The following PCDH15 variants were observed in gnomAD, a reference collection of about 807,000 sequenced individuals.
PCDH15 encodes the protein protocadherin-15.
A neutral mutation model predicts 178.5 loss-of-function variants in PCDH15; 129 were observed. That is an observed-to-expected ratio of 0.72 (90% CI 0.63 to 0.84). The LOEUF (loss-of-function observed/expected upper bound fraction) is 0.84, where lower values mean the gene tolerates loss of function less well. Among genes scored for constraint, PCDH15 ranks in the 40% least tolerant of loss-of-function variants. The pLI, the probability that PCDH15 is intolerant of heterozygous loss-of-function variation, is 0.00. For missense variants in PCDH15, 2,230 were observed against 2,099.9 expected (o/e 1.06, Z -1.21); for synonymous variants, 800 against 732.0 (o/e 1.09, Z -1.50).
intron 2 of PCDH15, among the ~76,000 whole-genome samples, chr10:55,419,209 G>A (rs1838558664): frequency 2.0e-5 from 3 of 151,652 alleles, no homozygotes; most frequent in South Asian, 2.1e-4. Context: ...CCAGTTTGAC[G>A]GAGCTGAAGT....
intron 2 of PCDH15, among the ~76,000 whole-genome samples, chr10:55,533,862 T>C (rs2132066523): frequency 6.6e-6 from 1 of 152,100 alleles, no homozygotes; most frequent in East Asian, 1.9e-4. Flanking sequence ...CAAAACAGCA[T>C]AGTATTGCTA....
At chr10:54,880,896 G>C (rs2131805884) in intron 3 of PCDH15, among the ~76,000 whole-genome samples, 1 of 151,508 alleles carries the variant, frequency 6.6e-6, no homozygotes, top group Middle Eastern at 3.4e-3. Flanking sequence ...ACTTCCTGTT[G>C]ATGCCAAACA....
chr10:55,043,419 A>G (rs1840916868), intron 2 of PCDH15, among the ~76,000 whole-genome samples: 1 of 152,084 alleles, frequency 6.6e-6, no homozygotes, highest in African/African-American at 2.4e-5. Flanking sequence ...GGAAAAACAA[A>G]ATAAAACAAA....
intron 2 of PCDH15, among the ~76,000 whole-genome samples, chr10:55,085,674 A>C (rs983421037): frequency 2.6e-5 from 4 of 151,462 alleles, no homozygotes; most frequent in Non-Finnish European, 5.9e-5. Context: ...TTTATGCCTC[A>C]AAATTATTAG....
rs997054142 is a variant in PCDH15 at position 53,915,623 on chromosome 10, G to T, written c.3374-12253C>A. On this transcript the variant is annotated intron_variant, in intron 25 of 37. Transcript: ENST00000644397. ...CATCCAGGCTGGAGTGCAGTGGCACGATCTTGGCTCACTGTAACCTCCACC... is the reference window on the plus strand; with the variant it reads ...CATCCAGGCTGGAGTGCAGTGGCACTATCTTGGCTCACTGTAACCTCCACC... 4.6e-5 allele frequency among the ~76,000 whole-genome samples: 7 copies of T among 152,086 alleles called. No individual in the cohort carries two copies. The East Asian group carries it at 1.2e-3, about 25-fold the overall frequency.
At chr10:55,258,850 C>A (rs1842076425) in intron 1 of PCDH15, among the ~76,000 whole-genome samples, 1 of 143,548 alleles carries the variant, frequency 7.0e-6, no homozygotes, top group African/African-American at 2.6e-5. Context: ...GTACCTTCTT[C>A]AACTGTAACC....
intron 2 of PCDH15, among the ~76,000 whole-genome samples, chr10:54,610,535 A>G (rs1034747472): frequency 2.0e-5 from 3 of 151,912 alleles, no homozygotes; most frequent in Non-Finnish European, 2.9e-5. Flanking sequence ...AAATCTATAG[A>G]GTTAAATGTG....
chr10:55,116,588 T>C (rs58781814), intron 2 of PCDH15, among the ~76,000 whole-genome samples: 3,345 of 152,232 alleles, frequency 0.022, 128 homozygotes, highest in African/African-American at 0.077. Flanking sequence ...TAAAGAAATA[T>C]GGTGCAGGCA....
chr10:54,604,078 TCATATGG>T (rs71010395), intron 2 of PCDH15, among the ~76,000 whole-genome samples: 143,981 of 151,826 alleles, frequency 0.95, 68,418 homozygotes, highest in Middle Eastern at 0.98. Flanking sequence ...TATTTGTGAA[TCATATGG>T]TTTCTTGTTT....
rs964182382 is a variant in PCDH15 at position 55,214,588 on chromosome 10, T to C, written c.-155-47937A>G. The stretch of plus-strand genomic sequence containing the variant: ...TTTTGTGGGATGGGAAAGGGTTACA[T>C]TTTCCTGGCATATATCTTTTAATCT... On this transcript the variant is annotated intron_variant, in intron 1 of 5. Transcript: ENST00000458638. Among the ~76,000 whole-genome samples, 8 of 152,078 alleles carry C rather than the reference T, an allele frequency of 5.3e-5. No individual in the cohort carries two copies. The South Asian group carries it at 1.5e-3, about 28-fold the overall frequency.
At chr10:54,139,726 T>C (rs1274296223) in intron 14 of PCDH15, among the ~76,000 whole-genome samples, 1 of 152,070 alleles carries the variant, frequency 6.6e-6, no homozygotes, top group South Asian at 2.1e-4. Context: ...TAAAGGCTAA[T>C]TAAAATTATG....
intron 8 of PCDH15, among the ~76,000 whole-genome samples, chr10:54,250,267 CTTTTTTT>C (rs765895227): frequency 8.3e-5 from 7 of 84,044 alleles, no homozygotes; most frequent in African/African-American, 2.0e-4. Context: ...TATGCTATTA[CTTTTTTT>C]TTTTTTTTTT....
rs1446363608 is a variant in PCDH15, at chr10:53,804,939, T to TTTTG, written c.*1636_*1639dup. 1 of 151,656 alleles carries TTTTG rather than the reference T, an allele frequency of 6.6e-6. No homozygotes were observed. The highest frequency in any genetic ancestry group is 1.9e-4 in the East Asian group (1 of 5,182). The allele number at this position is 151,656 out of a possible 1,614,324, so 9.4% of individuals were successfully genotyped here. A position where few individuals can be genotyped will look rare whatever the true frequency, so the allele number is the denominator to read the frequency against. ...CACTAGGTTTTTTTTTGTTTGTTTG[T>TTTTG]TTTGTTTTGTTTTTTTGGCAAGGGT... is the stretch of plus-strand genomic sequence containing the variant. On this transcript the variant is annotated 3_prime_UTR_variant, in exon 38 of 38. Coordinates refer to ENST00000644397, the MANE Select transcript of PCDH15 (RefSeq NM_001384140.1).
chr10:54,716,369 A>T (rs934279617), intron 1 of PCDH15, among the ~76,000 whole-genome samples: 5 of 152,132 alleles, frequency 3.3e-5, no homozygotes, highest in African/African-American at 1.2e-4. Flanking sequence ...ATAGAAAATG[A>T]TATTGATTCT....
Position 54,597,727 on chromosome 10 carries a change from T to C in PCDH15, c.91+66445A>G, listed in dbSNP as rs1238154366. Among the ~76,000 whole-genome samples the C allele has an allele frequency of 7.9e-5, 12 of 151,992 alleles. No homozygotes were observed. In the East Asian group the frequency reaches 1.7e-3, roughly 22 times the overall value. ...TTTTTGAAAACATTAATACAATAGA[T>C]AGACCACTGGTTAAACTAAGAAAGA... On this transcript the variant is annotated intron_variant, in intron 2 of 37. Transcript: ENST00000644397.
intron 2 of PCDH15, among the ~76,000 whole-genome samples, chr10:54,971,765 T>A (rs544192966): frequency 6.6e-6 from 1 of 152,360 alleles, no homozygotes; most frequent in Admixed American, 6.5e-5. Context: ...ATAATTGATG[T>A]ATAATGTAAA....
At chr10:54,779,058 A>G (rs1949998068) in intron 1 of PCDH15, among the ~76,000 whole-genome samples, 2 of 152,040 alleles carry the variant, frequency 1.3e-5, no homozygotes, top group Non-Finnish European at 1.5e-5. Context: ...CAGGAGAGAG[A>G]TTAGAGATAG....
chr10:55,061,338 C>A (rs1841425293), intron 2 of PCDH15, among the ~76,000 whole-genome samples: 1 of 151,938 alleles, frequency 6.6e-6, no homozygotes, highest in Non-Finnish European at 1.5e-5. Flanking sequence ...AAAGGAAATG[C>A]AAATTAGAAC....
At chr10:54,855,029 G>A (rs1355200867) in intron 3 of PCDH15, among the ~76,000 whole-genome samples, 1 of 152,226 alleles carries the variant, frequency 6.6e-6, no homozygotes, top group African/African-American at 2.4e-5. Context: ...ACTGGCCAAA[G>A]TTTGGAAGGG....
Sources: allele counts gnomAD v4.1 joint callset (sites outside exome capture counted in the v4.1 genomes callset), GRCh38; gene constraint gnomAD v4.1.1; transcripts MANE v1.5; gene names NCBI Gene and HGNC (gene_info 2026-07-23, HGNC 2026-07-21).